The following KCNH1 variants were observed in gnomAD, a reference collection of about 807,000 sequenced individuals.
The protein encoded by KCNH1 is voltage-gated delayed rectifier potassium channel KCNH1.
KCNH1 carries 27 observed loss-of-function variants against 69.2 expected under a neutral mutation model. The ratio of observed to expected loss-of-function variants is 0.39; its 90% CI spans 0.29 to 0.54. The LOEUF is 0.54. Among genes scored for constraint, KCNH1 ranks in the 20% least tolerant of loss-of-function variants. The probability of loss-of-function intolerance (pLI) is 0.68; values close to 1 mark genes in which losing one functional copy is unlikely to be tolerated. For missense variants in KCNH1, 798 were observed against 1,261.6 expected, an observed-to-expected ratio of 0.63 and a Z score of 5.57; for synonymous variants, 456 against 487.7, an observed-to-expected ratio of 0.93 and a Z score of 0.86.
intron 6 of KCNH1, among the ~76,000 whole-genome samples, chr1:210,932,053 G>T (rs1604370): frequency 0.53 from 80,248 of 151,886 alleles, 21,390 homozygotes; most frequent in African/African-American, 0.54. Flanking sequence ...GAAAACCCAC[G>T]TAATGAAATA....
At chr1:211,057,245 A>G (rs1690327772) in intron 5 of KCNH1, among the ~76,000 whole-genome samples, 1 of 152,232 alleles carries the variant, frequency 6.6e-6, no homozygotes, top group Non-Finnish European at 1.5e-5. Flanking sequence ...TGAAGAATGC[A>G]TCAGAGTCTC....
chr1:210,774,077 G>A (rs1409349620), intron 10 of KCNH1, among the ~76,000 whole-genome samples: 2 of 152,138 alleles, frequency 1.3e-5, no homozygotes, highest in African/African-American at 4.8e-5. Context: ...GTGGGCATGG[G>A]GATAAGTGGT....
At chr1:211,127,661 T>C (rs997207285) in intron 1 of KCNH1, among the ~76,000 whole-genome samples, 2 of 152,178 alleles carry the variant, frequency 1.3e-5, no homozygotes, top group Admixed American at 6.5e-5. Context: ...TTTTATTAGG[T>C]ACTAGATTGT....
chr1:211,051,183 C>T (rs1056027774), intron 5 of KCNH1, among the ~76,000 whole-genome samples: 1 of 151,872 alleles, frequency 6.6e-6, no homozygotes, highest in African/African-American at 2.4e-5. Context: ...TTTTTAGTAG[C>T]GATGGGATTT....
intron 6 of KCNH1, among the ~76,000 whole-genome samples, chr1:211,004,020 G>C (rs1237961774): frequency 6.6e-6 from 1 of 152,100 alleles, no homozygotes; most frequent in East Asian, 1.9e-4. Flanking sequence ...GTGAACCCCG[G>C]GGGACGGAGC....
intron 6 of KCNH1, among the ~76,000 whole-genome samples, chr1:210,987,436 G>T (rs1688861762): frequency 6.6e-6 from 1 of 152,264 alleles, no homozygotes; most frequent in East Asian, 1.9e-4. Context: ...GGTCTTTGAT[G>T]ATGGTGACGT....
chr1:211,030,036 TG>T (rs1689753351), intron 5 of KCNH1, among the ~76,000 whole-genome samples: 1 of 152,190 alleles, frequency 6.6e-6, no homozygotes, highest in South Asian at 2.1e-4. Context: ...AGACATACCA[TG>T]TTCCTAAATT....
chr1:211,072,763 C>T (rs1022481698), intron 5 of KCNH1, among the ~76,000 whole-genome samples: 4 of 151,734 alleles, frequency 2.6e-5, no homozygotes, highest in African/African-American at 9.7e-5. Flanking sequence ...AAAGTTGAAT[C>T]ACATAAAATG....
At chr1:210,949,478 A>AGTT (rs1222340658) in intron 6 of KCNH1, among the ~76,000 whole-genome samples, 1 of 152,172 alleles carries the variant, frequency 6.6e-6, no homozygotes, top group East Asian at 1.9e-4. Flanking sequence ...AAGTGAACAT[A>AGTT]GTTGTTGTTG....
intron 7 of KCNH1, among the ~76,000 whole-genome samples, chr1:210,873,730 T>C (rs762580953): frequency 6.6e-6 from 1 of 152,102 alleles, no homozygotes; most frequent in Non-Finnish European, 1.5e-5. Flanking sequence ...AAAAATAATA[T>C]GTGAATCAAG....
chr1:211,076,681 A>C (rs1194148052), intron 5 of KCNH1, among the ~76,000 whole-genome samples: 1 of 152,256 alleles, frequency 6.6e-6, no homozygotes, highest in South Asian at 2.1e-4. Flanking sequence ...TGAAAATTCC[A>C]AAAACCTGAG....
At position 210,678,376 on chromosome 1, in the gene KCNH1, G is replaced by C. The variant is rs1681185784; in HGVS notation, c.*4905C>G. On this transcript the variant is annotated 3_prime_UTR_variant, in exon 11 of 11. Transcript: ENST00000271751. The stretch of plus-strand genomic sequence containing the variant: ...CTTTTTTTTTTTACAAATATCATTT[G>C]TGCTTGTTTAAAAATGTTGAGAAGG... 3 of 151,438 alleles carry C rather than the reference G, an allele frequency of 2.0e-5. No homozygotes were observed. In the South Asian group the frequency reaches 6.2e-4, roughly 32 times the overall value. The allele number at this position is 151,438 out of a possible 1,614,324, so 9.4% of individuals were successfully genotyped here. A position where few individuals can be genotyped will look rare whatever the true frequency, so the allele number is the denominator to read the frequency against.
chr1:210,842,972 A>G (rs1352546632), intron 7 of KCNH1, among the ~76,000 whole-genome samples: 2 of 152,274 alleles, frequency 1.3e-5, no homozygotes, highest in Non-Finnish European at 2.9e-5. Flanking sequence ...CACCACCCAC[A>G]TTTCCTCATT....
chr1:211,057,630 C>A (rs780952512), intron 5 of KCNH1, among the ~76,000 whole-genome samples: 1 of 151,382 alleles, frequency 6.6e-6, no homozygotes, highest in Non-Finnish European at 1.5e-5. Context: ...CAGAGAAAGA[C>A]CCTGTCCCAA....
Position 210,778,000 on chromosome 1 carries a change from C to T in KCNH1, c.1916-2456G>A, listed in dbSNP as rs1683895551. Among the ~76,000 whole-genome samples the T allele has an allele frequency of 2.0e-5, 3 of 152,212 alleles. No individual in the cohort carries two copies. In the South Asian group the frequency reaches 6.2e-4, roughly 32 times the overall value. ...ACTCTCCCTCTTGGAACCCAATCAACAAGTGAGAAGCACAAGCCACACAAG... is the reference window on the plus strand; with the variant it reads ...ACTCTCCCTCTTGGAACCCAATCAATAAGTGAGAAGCACAAGCCACACAAG... On this transcript the variant is annotated intron_variant, in intron 9 of 10. Transcript: ENST00000271751.
At chr1:211,009,823 G>A (rs1170514308) in intron 6 of KCNH1, among the ~76,000 whole-genome samples, 1 of 152,074 alleles carries the variant, frequency 6.6e-6, no homozygotes, top group Non-Finnish European at 1.5e-5. Flanking sequence ...TAGCCAGGCT[G>A]GTCTGGAACT....
intron 6 of KCNH1, among the ~76,000 whole-genome samples, chr1:210,981,184 A>T (rs900464572): frequency 6.6e-6 from 1 of 152,078 alleles, no homozygotes; most frequent in Non-Finnish European, 1.5e-5. Flanking sequence ...CAGTATATTT[A>T]GGTCAGAGGG....
intron 10 of KCNH1, among the ~76,000 whole-genome samples, chr1:210,758,895 C>T (rs979985419): frequency 2.6e-4 from 39 of 152,116 alleles, no homozygotes; most frequent in African/African-American, 1.9e-4. Flanking sequence ...CGCTAACTGC[C>T]GGCTCTTACT....
intron 10 of KCNH1, among the ~76,000 whole-genome samples, chr1:210,759,176 C>T (rs898888529): frequency 1.3e-5 from 2 of 151,398 alleles, no homozygotes; most frequent in African/African-American, 4.9e-5. Flanking sequence ...CACACACACA[C>T]ATATTTTATA....
Sources: allele counts gnomAD v4.1 joint callset (sites outside exome capture counted in the v4.1 genomes callset), GRCh38; gene constraint gnomAD v4.1.1; transcripts MANE v1.5; gene names NCBI Gene and HGNC (gene_info 2026-07-23, HGNC 2026-07-21).